The following SDK1 variants were observed in gnomAD, a reference collection of about 807,000 sequenced individuals.
SDK1 encodes sidekick cell adhesion molecule 1.
A neutral mutation model predicts 245.5 loss-of-function variants in SDK1; 157 were observed. The ratio of observed to expected loss-of-function variants is 0.64; its 90% CI spans 0.56 to 0.73. The LOEUF (loss-of-function observed/expected upper bound fraction) is 0.73. SDK1 is among the 30% of genes least tolerant of loss of function. SDK1 has a pLI of 0.00. For synonymous variants in SDK1, 1,647 were observed against 1,278.5 expected (o/e 1.29, Z -6.15); for missense variants, 3,583 against 3,002.3 (o/e 1.19, Z -4.52).
At chr7:3,654,314 G>A (rs1783096807) in intron 4 of SDK1, among the ~76,000 whole-genome samples, 1 of 151,408 alleles carries the variant, frequency 6.6e-6, no homozygotes, top group Non-Finnish European at 1.5e-5. Context: ...GTCCCTCAAC[G>A]TGAGTAAGAA....
intron 1 of SDK1, among the ~76,000 whole-genome samples, chr7:3,360,522 G>T (rs1780923086): frequency 6.6e-6 from 1 of 152,136 alleles, no homozygotes; most frequent in South Asian, 2.1e-4. Context: ...TGTTAATATT[G>T]GGCCTCAGGT....
intron 1 of SDK1, among the ~76,000 whole-genome samples, chr7:3,604,710 C>T (rs529261819): frequency 6.8e-6 from 1 of 147,954 alleles, no homozygotes; most frequent in Non-Finnish European, 1.5e-5. Context: ...TCAAGTGATT[C>T]TGCTGCCTCA....
intron 1 of SDK1, among the ~76,000 whole-genome samples, chr7:3,545,704 G>C (rs1374856758): frequency 6.6e-6 from 1 of 152,146 alleles, no homozygotes; most frequent in East Asian, 1.9e-4. Flanking sequence ...GCCAGAGCTG[G>C]GCACAGAATT....
At chr7:3,452,169 T>C (rs1432526362) in intron 1 of SDK1, among the ~76,000 whole-genome samples, 5 of 152,210 alleles carry the variant, frequency 3.3e-5, no homozygotes, top group Non-Finnish European at 5.9e-5. Context: ...TGTTTGGGGC[T>C]TTTGTCGTGT....
At chr7:4,007,208 G>A (rs1385191640) in intron 14 of SDK1, among the ~76,000 whole-genome samples, 2 of 152,230 alleles carry the variant, frequency 1.3e-5, no homozygotes, top group Admixed American at 6.5e-5. Context: ...GAAGGGGAAT[G>A]TTTGCAGAGG....
chr7:3,447,507 C>T (rs937291730), intron 1 of SDK1, among the ~76,000 whole-genome samples: 2 of 151,964 alleles, frequency 1.3e-5, no homozygotes, highest in Non-Finnish European at 2.9e-5. Flanking sequence ...TAAGTTGCCC[C>T]CCACCCCATT....
At chr7:3,529,275 A>G (rs1342864081) in intron 1 of SDK1, among the ~76,000 whole-genome samples, 2 of 152,330 alleles carry the variant, frequency 1.3e-5, no homozygotes, top group East Asian at 3.9e-4. Flanking sequence ...TGAGTTTGCC[A>G]ACTGCCTAGA....
intron 1 of SDK1, among the ~76,000 whole-genome samples, chr7:3,523,058 C>T (rs941115318): frequency 6.6e-6 from 1 of 152,192 alleles, no homozygotes; most frequent in South Asian, 2.1e-4. Context: ...TATCATGAAA[C>T]AGGTGATGTA....
intron 35 of SDK1, among the ~76,000 whole-genome samples, chr7:4,191,383 A>C (rs1447783165): frequency 6.6e-6 from 1 of 152,242 alleles, no homozygotes; most frequent in Non-Finnish European, 1.5e-5. Flanking sequence ...TCTGACGTCC[A>C]TCACTGTAGA....
chr7:3,339,393 T>C (rs1247221707), intron 1 of SDK1, among the ~76,000 whole-genome samples: 1 of 152,128 alleles, frequency 6.6e-6, no homozygotes, highest in African/African-American at 2.4e-5. Flanking sequence ...TTAGTAAAAC[T>C]ATACACCAAA....
chr7:3,513,135 A>C (rs1782635317), intron 1 of SDK1, among the ~76,000 whole-genome samples: 1 of 152,190 alleles, frequency 6.6e-6, no homozygotes, highest in South Asian at 2.1e-4. Context: ...ACTAGCAGCT[A>C]ACAGTTACTG....
intron 1 of SDK1, among the ~76,000 whole-genome samples, chr7:3,521,669 A>G (rs1295490666): frequency 3.3e-5 from 5 of 152,222 alleles, no homozygotes; most frequent in Non-Finnish European, 7.3e-5. Flanking sequence ...TCGATAGTCT[A>G]ATGATTGAGG....
chr7:3,980,725 C>T (rs1345217512), intron 13 of SDK1, among the ~76,000 whole-genome samples: 1 of 152,142 alleles, frequency 6.6e-6, no homozygotes, highest in South Asian at 2.1e-4. Flanking sequence ...AGGTAGATCA[C>T]GAGGTCAAGA....
At chr7:3,432,271 A>G (rs1779875690) in intron 1 of SDK1, among the ~76,000 whole-genome samples, 1 of 151,880 alleles carries the variant, frequency 6.6e-6, no homozygotes, top group Non-Finnish European at 1.5e-5. Flanking sequence ...TGATGACATT[A>G]GTATCATCAA....
intron 4 of SDK1, among the ~76,000 whole-genome samples, chr7:3,804,902 T>TGGTC (rs1269820527): frequency 1.7e-4 from 26 of 152,360 alleles, no homozygotes; most frequent in Non-Finnish European, 2.9e-4. Context: ...GGTGAGATAT[T>TGGTC]GGTCGAAGGA....
At chr7:3,726,050 A>G (rs200897716) in intron 4 of SDK1, among the ~76,000 whole-genome samples, 5 of 152,360 alleles carry the variant, frequency 3.3e-5, no homozygotes, top group Middle Eastern at 3.4e-3. Context: ...GCTTGAAGCA[A>G]TATCACCTTA....
chr7:4,241,797 G>A lies in SDK1; in HGVS notation c.6135G>A (p.Lys2045=), dbSNP rs202066897. The change falls in exon 43 of 45, where the codon AAG becomes AAA. Residue 2045 remains lysine (K), a synonymous_variant. Coordinates refer to ENST00000404826, the MANE Select transcript of SDK1 (RefSeq NM_152744.4). ...CACTCTCCTGCTGGGCTTTAGGAAA[G>A]GGGATCTCCACCATGGAGGAGTCTG... ...NKKYKNCSTG[K]GISTMEESVT... The A allele has an allele frequency of 6.2e-6, 10 of 1,613,988 alleles. No individual in the cohort carries two copies. The highest frequency in any genetic ancestry group is 8.5e-6 in the Non-Finnish European group (10 of 1,180,026).
chr7:3,830,903 A>T (rs1779897552), intron 5 of SDK1, among the ~76,000 whole-genome samples: 1 of 152,220 alleles, frequency 6.6e-6, no homozygotes, highest in Non-Finnish European at 1.5e-5. Context: ...TTGTGGAATC[A>T]TATTATGTAA....
At chr7:4,000,110 T>TG (rs749219894) in intron 14 of SDK1, among the ~76,000 whole-genome samples, 7 of 152,132 alleles carry the variant, frequency 4.6e-5, no homozygotes, top group Non-Finnish European at 8.8e-5. Flanking sequence ...GAATTGCTGA[T>TG]GGGGTTTCCC....
Sources: allele counts gnomAD v4.1 joint callset (sites outside exome capture counted in the v4.1 genomes callset), GRCh38; gene constraint gnomAD v4.1.1; transcripts MANE v1.5; gene names NCBI Gene and HGNC (gene_info 2026-07-23, HGNC 2026-07-21).